DNM3: variants seen among roughly 807,000 people sequenced by gnomAD.
DNM3 encodes the protein dynamin 3, also known as dynamin-3.
A neutral mutation model predicts 101.6 loss-of-function variants in DNM3; 47 were observed. The observed-to-expected ratio is 0.46, with a 90% CI of 0.37 to 0.59. The LOEUF is 0.59. DNM3 is among the 20% of genes least tolerant of loss of function. DNM3 has a pLI of 0.00. For synonymous variants in DNM3, 385 were observed against 387.9 expected (o/e 0.99, Z 0.09); for missense variants, 849 against 1,085.7 (o/e 0.78, Z 3.06).
chr1:171,882,959 C>T (rs560175457), intron 1 of DNM3, among the ~76,000 whole-genome samples: 1 of 151,540 alleles, frequency 6.6e-6, no homozygotes, highest in African/African-American at 2.4e-5. Flanking sequence ...ATTGAACATA[C>T]AGAATAATCC....
intron 13 of DNM3, among the ~76,000 whole-genome samples, chr1:172,117,160 A>G (rs1035389098): frequency 8.9e-4 from 135 of 152,016 alleles, no homozygotes; most frequent in African/African-American, 2.6e-3. Context: ...AGCTGAGATC[A>G]TGCCATTGCA....
At chr1:172,320,660 C>T (rs1046098791) in intron 16 of DNM3, among the ~76,000 whole-genome samples, 5 of 152,146 alleles carry the variant, frequency 3.3e-5, no homozygotes, top group Non-Finnish European at 5.9e-5. Flanking sequence ...TCTTAGGAAA[C>T]TATCAGTGGG....
intron 2 of DNM3, among the ~76,000 whole-genome samples, chr1:171,952,190 T>C (rs886678626): frequency 3.3e-5 from 5 of 152,238 alleles, no homozygotes; most frequent in African/African-American, 1.2e-4. Context: ...GTCACACTTT[T>C]AGTTAATCCT....
chr1:172,314,575 A>C (rs1160570865), intron 16 of DNM3, among the ~76,000 whole-genome samples: 1 of 152,222 alleles, frequency 6.6e-6, no homozygotes. Context: ...ACGGTGCACC[A>C]GGAGAATTAT....
chr1:171,989,199 G>T, intron 4 of DNM3, 51 bp downstream of exon 4: 1 of 1,537,408 alleles, frequency 6.5e-7, no homozygotes, highest in South Asian at 1.2e-5. Flanking sequence ...CAGGAGTTTT[G>T]GTATCTTTAA....
intron 2 of DNM3, among the ~76,000 whole-genome samples, chr1:171,966,528 G>A (rs2043599316): frequency 6.6e-6 from 1 of 152,228 alleles, no homozygotes; most frequent in Admixed American, 6.5e-5. Flanking sequence ...ATTAGCAATA[G>A]CAGTTTGCAA....
rs770458024 is a variant in DNM3 at position 172,337,839 on chromosome 1, C to CATTTT, written c.1893+14525_1893+14529dup. On this transcript the variant is annotated intron_variant, in intron 17 of 20. Transcript: ENST00000627582. ...TCTGGGAATATGGCTTGGGAGTATT[C>CATTTT]ATTTTATTTTATTTTATTTTATTTT... 7.2e-4 allele frequency among the ~76,000 whole-genome samples: 104 copies of CATTTT among 143,496 alleles called. 1 individual carries two copies. The highest frequency in any genetic ancestry group is 5.3e-3 in the South Asian group (22 of 4,190). 94.1% of individuals were successfully genotyped at this position (143,496 alleles called of 152,430 possible).
chr1:171,996,063 GTAT>G (rs1460781264), intron 4 of DNM3, among the ~76,000 whole-genome samples: 7 of 151,960 alleles, frequency 4.6e-5, no homozygotes, highest in Non-Finnish European at 1.0e-4. Context: ...TATAAAATAA[GTAT>G]TATTAAATGT....
At position 172,379,124 on chromosome 1, in the gene DNM3, T is replaced by G; in HGVS notation, c.2000T>G (p.Ile667Ser). ...CTCGTAGACTCCTACATGTCCATTA[T>G]CAACAAATGTATCCGAGATCTAATT... ...RNLVDSYMSI[I>S]NKCIRDLIPK... The change falls in exon 18 of 21, where the codon ATC becomes AGC. Residue 667 changes from isoleucine (I) to serine (S), a missense_variant. Ile to Ser is a moderately radical substitution (Grantham distance 142). Transcript: ENST00000627582. The G allele has an allele frequency of 1.2e-6, 2 of 1,611,908 alleles. No homozygotes were observed. The highest frequency in any genetic ancestry group is 1.7e-6 in the Non-Finnish European group (2 of 1,178,754).
intron 14 of DNM3, among the ~76,000 whole-genome samples, chr1:172,187,566 A>G (rs2059569147): frequency 1.3e-5 from 2 of 151,942 alleles, no homozygotes; most frequent in South Asian, 2.1e-4. Context: ...CAATGAGACT[A>G]TATTTTCTTG....
At chr1:172,147,013 G>T (rs374616220) in intron 14 of DNM3, among the ~76,000 whole-genome samples, 19 of 152,096 alleles carry the variant, frequency 1.2e-4, no homozygotes, top group African/African-American at 4.6e-4. Context: ...TTTCTCCAGA[G>T]ACAGCTATAG....
chr1:172,049,384 G>A lies in DNM3; in HGVS notation c.1335+634G>A, dbSNP rs563057544. On this transcript the variant is annotated intron_variant, in intron 10 of 20. Transcript: ENST00000627582. ...ATGCCTGAAACCTATGGGACACCTA[G>A]CACACTGATTAACCATAATTTAAGT... Among the ~76,000 whole-genome samples, 18 of 152,300 alleles carry A rather than the reference G, an allele frequency of 1.2e-4. 1 individual carries two copies. The South Asian group carries it at 3.5e-3, about 30-fold the overall frequency.
At chr1:172,021,424 T>A (rs1017900338) in intron 4 of DNM3, among the ~76,000 whole-genome samples, 3 of 151,726 alleles carry the variant, frequency 2.0e-5, no homozygotes, top group African/African-American at 4.8e-5. Context: ...GCCATTACAC[T>A]CCAGCCTGGC....
At chr1:172,268,114 A>C (rs1245194128) in intron 15 of DNM3, among the ~76,000 whole-genome samples, 2 of 152,190 alleles carry the variant, frequency 1.3e-5, no homozygotes, top group South Asian at 4.1e-4. Flanking sequence ...AGAACTATTA[A>C]GTTCACAGGG....
intron 15 of DNM3, among the ~76,000 whole-genome samples, chr1:172,288,529 G>C (rs1307543220): frequency 1.3e-5 from 2 of 152,196 alleles, no homozygotes; most frequent in East Asian, 3.8e-4. Flanking sequence ...GCAGAATGGA[G>C]AGTAGAGAGG....
chr1:172,226,147 A>T (rs1047803670), intron 14 of DNM3, among the ~76,000 whole-genome samples: 2 of 152,150 alleles, frequency 1.3e-5, no homozygotes, highest in African/African-American at 4.8e-5. Flanking sequence ...TAGAAAAGAA[A>T]ATGCTGGGTC....
chr1:171,851,211 C>A (rs918098223), intron 1 of DNM3, among the ~76,000 whole-genome samples: 1 of 152,180 alleles, frequency 6.6e-6, no homozygotes, highest in Non-Finnish European at 1.5e-5. Flanking sequence ...GTTGCCTCCT[C>A]TGTCTGCTCA....
At chr1:172,304,193 T>C (rs187203648) in intron 15 of DNM3, among the ~76,000 whole-genome samples, 4 of 85,206 alleles carry the variant, frequency 4.7e-5, no homozygotes, top group African/African-American at 1.6e-4. Flanking sequence ...ATATCTACCA[T>C]GCAAAAGGAA....
intron 14 of DNM3, among the ~76,000 whole-genome samples, chr1:172,173,944 T>C (rs1256597146): frequency 6.6e-6 from 1 of 151,600 alleles, no homozygotes; most frequent in Non-Finnish European, 1.5e-5. Flanking sequence ...GCCAAATACC[T>C]AAGAGGAATA....
Sources: allele counts gnomAD v4.1 joint callset (sites outside exome capture counted in the v4.1 genomes callset), GRCh38; gene constraint gnomAD v4.1.1; transcripts MANE v1.5; gene names NCBI Gene and HGNC (gene_info 2026-07-23, HGNC 2026-07-21).